Variants in PDS5B observed in about 807,000 individuals in gnomAD.
PDS5B encodes the protein PDS5 cohesin associated factor B, also known as sister chromatid cohesion protein PDS5 homolog B.
Under a neutral mutation model 184.1 loss-of-function variants are expected in PDS5B, and 51 were observed. That is an observed-to-expected ratio of 0.28 (90% confidence interval 0.22 to 0.35). The LOEUF is 0.35. Ranked by LOEUF, PDS5B falls within the 10% of genes least tolerant of loss-of-function variation. The probability of loss-of-function intolerance (pLI) is 1.00; values close to 1 mark genes in which losing one functional copy is unlikely to be tolerated. For synonymous variants in PDS5B, 566 were observed against 569.2 expected (o/e 0.99, Z 0.08); for missense variants, 1,180 against 1,723.3 (o/e 0.68, Z 5.58).
intron 1 of PDS5B, among the ~76,000 whole-genome samples, chr13:32,639,263 T>C (rs578114374): frequency 1.3e-5 from 2 of 152,288 alleles, no homozygotes; most frequent in South Asian, 4.1e-4. Context: ...TTCCATAACA[T>C]TGATGGTCCT....
intron 34 of PDS5B, 88 bp downstream of exon 34, chr13:32,773,412 TTA>T (rs1399804445): frequency 1.1e-5 from 12 of 1,136,220 alleles, no homozygotes; most frequent in African/African-American, 3.1e-5. Flanking sequence ...TGTTTAGTAT[TTA>T]TATGTTTTAC....
In PDS5B at chr13:32,674,872, G is replaced by C. The variant is rs578126009; in HGVS notation, c.847-972G>C. Among the ~76,000 whole-genome samples the C allele has an allele frequency of 3.1e-4, 46 of 150,762 alleles. 1 individual carries two copies. The highest frequency in any genetic ancestry group is 1.1e-3 in the African/African-American group (45 of 41,148). The stretch of plus-strand genomic sequence containing the variant: ...CTTGTTAAGCCTTAAAGAAATAGCT[G>C]TCCAGGCACTGAACCAGACTAGCTG... On this transcript the variant is annotated intron_variant, in intron 8 of 34. Coordinates refer to ENST00000315596, the MANE Select transcript of PDS5B (RefSeq NM_015032.4).
chr13:32,623,369 T>G (rs982950829), intron 1 of PDS5B, among the ~76,000 whole-genome samples: 4 of 152,306 alleles, frequency 2.6e-5, no homozygotes, highest in Middle Eastern at 3.4e-3. Flanking sequence ...TCCTTATATC[T>G]TAGTAGAATT....
At chr13:32,718,399 C>G (rs1364475025) in intron 19 of PDS5B, among the ~76,000 whole-genome samples, 1 of 152,180 alleles carries the variant, frequency 6.6e-6, no homozygotes, top group African/African-American at 2.4e-5. Flanking sequence ...ATCCGCCTGC[C>G]TCGGCCTCCC....
intron 13 of PDS5B, chr13:32,690,982 G>T (rs535892977): frequency 2.4e-4 from 37 of 151,926 alleles, no homozygotes; most frequent in Non-Finnish European, 4.1e-4. Flanking sequence ...ATCTGTGGTT[G>T]TTTTCTCCAA....
At chr13:32,648,186 C>A (rs542909648) in intron 1 of PDS5B, among the ~76,000 whole-genome samples, 2 of 152,246 alleles carry the variant, frequency 1.3e-5, no homozygotes, top group South Asian at 4.1e-4. Flanking sequence ...TCTAGTTTAC[C>A]CTCTCCTTTG....
intron 25 of PDS5B, among the ~76,000 whole-genome samples, chr13:32,755,044 G>A (rs1954124727): frequency 6.6e-6 from 1 of 152,074 alleles, no homozygotes; most frequent in African/African-American, 2.4e-5. Context: ...AATGAATGAT[G>A]TTACACACAA....
chr13:32,751,524 AT>A (rs1171051785), intron 24 of PDS5B, among the ~76,000 whole-genome samples: 3 of 152,078 alleles, frequency 2.0e-5, no homozygotes, highest in African/African-American at 7.2e-5. Flanking sequence ...AGCATCTATT[AT>A]TTTTTGGCTT....
At chr13:32,676,659 C>T (rs928388362) in intron 9 of PDS5B, among the ~76,000 whole-genome samples, 2 of 152,084 alleles carry the variant, frequency 1.3e-5, no homozygotes, top group Admixed American at 6.5e-5. Context: ...TGGCCGGGCG[C>T]GGTGGCTCAT....
rs1269572786 is a variant in PDS5B at position 32,764,564 on chromosome 13, T to C, written c.3594T>C (p.Ser1198=). ...CTTCACCTTTGCCGGGGAAAAAAAGTGACAAGAGAGACGACTCTGATCTTG... is the reference window on the plus strand; with the variant it reads ...CTTCACCTTTGCCGGGGAAAAAAAGCGACAAGAGAGACGACTCTGATCTTG... ...TMSSPLPGKK[S]DKRDDSDLVR... Residue 1198 remains serine (S), a synonymous_variant, in exon 31 of 35, where the codon AGT becomes AGC. Coordinates refer to ENST00000315596, the MANE Select transcript of PDS5B (RefSeq NM_015032.4). 6.2e-7 allele frequency: 1 copy of C among 1,603,268 alleles called. No homozygotes were observed. Among genetic ancestry groups the C allele is most frequent in the Admixed American group, 1.7e-5 (1 of 59,310 alleles).
At chr13:32,727,002 T>C (rs1232622717) in intron 19 of PDS5B, among the ~76,000 whole-genome samples, 2 of 152,196 alleles carry the variant, frequency 1.3e-5, no homozygotes, top group Non-Finnish European at 2.9e-5. Flanking sequence ...TGCTTTTATA[T>C]TGGTTGTTTT....
intron 19 of PDS5B, among the ~76,000 whole-genome samples, chr13:32,724,752 A>G (rs1407324241): frequency 6.6e-6 from 1 of 151,702 alleles, no homozygotes; most frequent in Non-Finnish European, 1.5e-5. Flanking sequence ...GCTAATTTTT[A>G]TGTTGTTTTG....
intron 15 of PDS5B, among the ~76,000 whole-genome samples, chr13:32,698,765 T>C (rs1287811148): frequency 1.3e-5 from 2 of 152,086 alleles, no homozygotes; most frequent in Admixed American, 1.3e-4. Context: ...CTCTCTTTTT[T>C]TTTTTTTTGA....
At chr13:32,669,367 A>G (rs943037572) in intron 7 of PDS5B, among the ~76,000 whole-genome samples, 4 of 151,578 alleles carry the variant, frequency 2.6e-5, no homozygotes, top group African/African-American at 9.7e-5. Context: ...AGAACGCTAT[A>G]CTGTATTGAT....
chr13:32,731,832 C>T (rs1276329642), intron 19 of PDS5B, among the ~76,000 whole-genome samples: 2 of 152,122 alleles, frequency 1.3e-5, no homozygotes, highest in South Asian at 2.1e-4. Flanking sequence ...TTGGGAGCGG[C>T]GTTAACAGGA....
At chr13:32,710,524 GA>G (rs1262842626) in intron 19 of PDS5B, among the ~76,000 whole-genome samples, 8 of 152,198 alleles carry the variant, frequency 5.3e-5, no homozygotes, top group Admixed American at 5.2e-4. Context: ...GAGAAGCATG[GA>G]ATACTTACCT....
intron 11 of PDS5B, among the ~76,000 whole-genome samples, chr13:32,685,149 C>G (rs1951349944): frequency 6.6e-6 from 1 of 152,076 alleles, no homozygotes; most frequent in South Asian, 2.1e-4. Context: ...CATGCCATCT[C>G]CCTTGTTTAA....
chr13:32,679,884 AGTGTGTGTGTGTGTGTGTGTGTGT>A (rs34635708), intron 10 of PDS5B, among the ~76,000 whole-genome samples: 1 of 143,616 alleles, frequency 7.0e-6, no homozygotes, highest in Non-Finnish European at 1.5e-5. Context: ...TTCGTCTGTG[AGTGTGTGTGTGTGTGTGTGTGTGT>A]GTGTGTGTCT....
At chr13:32,663,714 T>G (rs960421433) in intron 6 of PDS5B, among the ~76,000 whole-genome samples, 31 of 152,302 alleles carry the variant, frequency 2.0e-4, no homozygotes, top group Admixed American at 5.9e-4. Context: ...TTGTATTTAT[T>G]TATATATTTT....
Sources: gnomAD v4.1 joint callset for allele counts (sites outside exome capture counted in the v4.1 genomes callset) on GRCh38, gnomAD v4.1.1 for gene constraint, MANE v1.5 for transcripts, NCBI Gene and HGNC (gene_info 2026-07-23, HGNC 2026-07-21) for gene names.